SELENOK: variants seen among roughly 807,000 people sequenced by gnomAD.
SELENOK encodes selenoprotein K.
A neutral mutation model predicts 17.3 loss-of-function variants in SELENOK; 11 were observed. The ratio of observed to expected loss-of-function variants is 0.63; its 90% CI spans 0.40 to 1.05. SELENOK has a LOEUF of 1.05. Among genes scored for constraint, SELENOK ranks in the 50% least tolerant of loss-of-function variants. The pLI, the probability that SELENOK is intolerant of heterozygous loss-of-function variation, is 0.00. For synonymous variants in SELENOK, 45 were observed against 35.4 expected, an observed-to-expected ratio of 1.27 and a Z score of -0.97; for missense variants, 125 against 113.9, an observed-to-expected ratio of 1.10 and a Z score of -0.44.
chr3:53,885,460 A>G lies in SELENOK; in HGVS notation c.*98T>C. Reference sequence around the variant, plus strand: ...GAGCAGTCCTTGTTTAGACATACACATTCATCTACTGCTCATCATGGTCAG... The same window carrying G: ...GAGCAGTCCTTGTTTAGACATACACGTTCATCTACTGCTCATCATGGTCAG... On this transcript the variant is annotated 3_prime_UTR_variant, in exon 5 of 5. Coordinates refer to ENST00000495461, the MANE Select transcript of SELENOK (RefSeq NM_021237.5). 2 of 1,181,642 alleles carry G rather than the reference A, an allele frequency of 1.7e-6. No individual in the cohort carries two copies. The highest frequency in any genetic ancestry group is 2.5e-6 in the Non-Finnish European group (2 of 811,224). The allele number at this position is 1,181,642 out of a possible 1,614,324, so 73.2% of individuals were successfully genotyped here.
chr3:53,890,296 A>G (rs1361144625), intron 1 of SELENOK, among the ~76,000 whole-genome samples: 6 of 152,204 alleles, frequency 3.9e-5, no homozygotes, highest in Non-Finnish European at 5.9e-5. Context: ...GAAAAAAAAA[A>G]GTCATCTGAC....
Position 53,885,574 on chromosome 3 carries a change from G to C in SELENOK, c.282-13C>G. 1.2e-6 allele frequency: 2 copies of C among 1,609,224 alleles called. No individual in the cohort carries two copies. The highest frequency in any genetic ancestry group is 1.7e-6 in the Non-Finnish European group (2 of 1,176,790). The stretch of plus-strand genomic sequence containing the variant: ...AGCAGACATTTACCTGAAAGAAAAT[G>C]TTACAATAATTAGTTACTGGTTATT... On this transcript the variant is annotated splice_polypyrimidine_tract_variant and intron_variant, in intron 4 of 4. Coordinates refer to ENST00000495461, the MANE Select transcript of SELENOK (RefSeq NM_021237.5).
rs143652575 is a variant in SELENOK, at chr3:53,890,447, T to A, written c.19+1323A>T. Among the ~76,000 whole-genome samples, 65 of 152,328 alleles carry A rather than the reference T, an allele frequency of 4.3e-4. No homozygotes were observed. The South Asian group carries it at 0.013, about 31-fold the overall frequency. On this transcript the variant is annotated intron_variant, in intron 1 of 4. Coordinates refer to ENST00000495461, the MANE Select transcript of SELENOK (RefSeq NM_021237.5). ...TAAGGCAGAATGTCCCTTCCACCAATATCCCCAGAGAGAAGTAAGGTGTTT... is the reference window on the plus strand; with the variant it reads ...TAAGGCAGAATGTCCCTTCCACCAAAATCCCCAGAGAGAAGTAAGGTGTTT...
chr3:53,888,851 T>C (rs1700145254), intron 1 of SELENOK, among the ~76,000 whole-genome samples: 1 of 152,086 alleles, frequency 6.6e-6, no homozygotes, highest in African/African-American at 2.4e-5. Flanking sequence ...GGTCAGGAGA[T>C]TGAGACCATC....
chr3:53,889,084 AT>A (rs372037637), intron 1 of SELENOK, among the ~76,000 whole-genome samples: 2 of 152,166 alleles, frequency 1.3e-5, no homozygotes, highest in African/African-American at 4.8e-5. Context: ...ACACATATAT[AT>A]AAAACAAAAA....
intron 2 of SELENOK, among the ~76,000 whole-genome samples, chr3:53,887,275 T>A (rs1314806583): frequency 6.6e-6 from 1 of 152,214 alleles, no homozygotes; most frequent in Non-Finnish European, 1.5e-5. Flanking sequence ...AAAGTCTACC[T>A]AACATCTTAG....
intron 1 of SELENOK, 85 bp from the exon 2 acceptor site, chr3:53,888,568 T>A (rs535217934): frequency 7.6e-6 from 7 of 920,070 alleles, no homozygotes; most frequent in Non-Finnish European, 8.7e-6. Flanking sequence ...GAGGTAACAA[T>A]GATTGGGGTT....
In SELENOK at chr3:53,884,790, T is replaced by C. The variant is rs1444795777; in HGVS notation, c.*768A>G. ...TGAGTAGCAGGGATTACAGGTGCACTCTACCACGCCTGGCTAATTTTTGTT... is the reference window on the plus strand; with the variant it reads ...TGAGTAGCAGGGATTACAGGTGCACCCTACCACGCCTGGCTAATTTTTGTT... On this transcript the variant is annotated 3_prime_UTR_variant, in exon 5 of 5. Coordinates refer to ENST00000495461, the MANE Select transcript of SELENOK (RefSeq NM_021237.5). 2 of 152,232 alleles carry C rather than the reference T, an allele frequency of 1.3e-5. No individual in the cohort carries two copies. Among genetic ancestry groups the C allele is most frequent in the Non-Finnish European group, 2.9e-5 (2 of 68,054 alleles). 9.4% of individuals were successfully genotyped at this position (152,232 alleles called of 1,614,324 possible). A position where few individuals can be genotyped will look rare whatever the true frequency, so the allele number is the denominator to read the frequency against.
chr3:53,888,367 G>A lies in SELENOK; in HGVS notation c.110+26C>T, dbSNP rs780352601. On this transcript the variant is annotated intron_variant, in intron 2 of 4. Transcript: ENST00000495461. ...TATACCTGTCAACTTAAATATCAGG[G>A]CAATTAAGAGCTCTTCTATACTTAC... 10 of 1,421,460 alleles carry A rather than the reference G, an allele frequency of 7.0e-6. No homozygotes were observed. In the Admixed American group the frequency reaches 1.5e-4, roughly 22 times the overall value. The allele number at this position is 1,421,460 out of a possible 1,614,324, so 88.1% of individuals were successfully genotyped here.
rs995143946 is a variant in SELENOK at position 53,891,824 on chromosome 3, C to A, written c.-36G>T. On this transcript the variant is annotated 5_prime_UTR_variant, in exon 1 of 5. Coordinates refer to ENST00000495461, the MANE Select transcript of SELENOK (RefSeq NM_021237.5). The stretch of plus-strand genomic sequence containing the variant: ...TTCCCCGCTTCGGAGCCACCGGGCG[C>A]CTGGCCCCTGTCGGTTTCTGTATCT... The A allele has an allele frequency of 9.9e-6, 16 of 1,613,410 alleles. No individual in the cohort carries two copies. Among genetic ancestry groups the A allele is most frequent in the Non-Finnish European group, 1.3e-5 (15 of 1,179,486 alleles).
Position 53,884,602 on chromosome 3 carries a change from G to A in SELENOK, c.*956C>T, listed in dbSNP as rs1336706713. 1 of 152,186 alleles carries A rather than the reference G, an allele frequency of 6.6e-6. No homozygotes were observed. Among genetic ancestry groups the A allele is most frequent in the Non-Finnish European group, 1.5e-5 (1 of 68,040 alleles). The allele number at this position is 152,186 out of a possible 1,614,324, so 9.4% of individuals were successfully genotyped here. On this transcript the variant is annotated 3_prime_UTR_variant, in exon 5 of 5. Transcript: ENST00000495461. The stretch of plus-strand genomic sequence containing the variant: ...TTAAAGCCAATAGGCAGTATTTTGA[G>A]TGATGCTATAGAGTGCAAATTTGTC...
chr3:53,890,851 G>GA (rs1559799975), intron 1 of SELENOK: 1 of 152,200 alleles, frequency 6.6e-6, no homozygotes, highest in Non-Finnish European at 1.5e-5. Context: ...GAGAAAAACA[G>GA]ATGACTCAAA....
chr3:53,891,839 T>A lies in SELENOK; in HGVS notation c.-51A>T, dbSNP rs1700173737. ...CCACCGGGCGCCTGGCCCCTGTCGG[T>A]TTCTGTATCTCCCTCTGCTCCCCGC... On this transcript the variant is annotated 5_prime_UTR_variant, in exon 1 of 5. Coordinates refer to ENST00000495461, the MANE Select transcript of SELENOK (RefSeq NM_021237.5). 2.5e-6 allele frequency: 4 copies of A among 1,601,650 alleles called. No individual in the cohort carries two copies. The South Asian group carries it at 4.4e-5, about 18-fold the overall frequency.
intron 1 of SELENOK, among the ~76,000 whole-genome samples, chr3:53,888,716 T>C (rs1339708782): frequency 6.6e-6 from 1 of 152,182 alleles, no homozygotes; most frequent in East Asian, 1.9e-4. Context: ...GTTTATAAAC[T>C]TGGTGGGTGA....
chr3:53,885,647 T>C lies in SELENOK; in HGVS notation c.282-86A>G, dbSNP rs1047789350. 3 of 1,408,978 alleles carry C rather than the reference T, an allele frequency of 2.1e-6. No individual in the cohort carries two copies. In the African/African-American group the frequency reaches 4.3e-5, roughly 20 times the overall value. 87.3% of individuals were successfully genotyped at this position (1,408,978 alleles called of 1,614,324 possible). A position where few individuals can be genotyped will look rare whatever the true frequency, so the allele number is the denominator to read the frequency against. The stretch of plus-strand genomic sequence containing the variant: ...TCAACATATTACATGTTATAAAATC[T>C]TTCTCAAAAGACATTTTGATAACAA... On this transcript the variant is annotated intron_variant, in intron 4 of 4. Transcript: ENST00000495461.
Position 53,885,893 on chromosome 3 carries a change from G to A in SELENOK, c.214C>T (p.Arg72Ter), listed in dbSNP as rs371070098. 1.4e-5 allele frequency: 21 copies of A among 1,546,192 alleles called. No homozygotes were observed. The highest frequency in any genetic ancestry group is 1.8e-5 in the Non-Finnish European group (21 of 1,152,228). The change falls in exon 4 of 5, where the codon CGA becomes TGA. Residue 72 changes from arginine to a stop codon, truncating the protein, a stop_gained. Transcript: ENST00000495461. LOFTEE classifies it high-confidence loss of function. ...DGRGPPGNPP[R>*]RMGRINHLRG... ...AGATGATTGATTCTACCCATTCTTC[G>A]GGGAGGGTTTCCTGGTGGCCTAATA...
intron 1 of SELENOK, 122 bp downstream of exon 1, chr3:53,891,648 C>G: frequency 2.2e-6 from 3 of 1,336,576 alleles, no homozygotes; most frequent in Non-Finnish European, 3.2e-6. Context: ...CTCCGCCCGG[C>G]CGCGGGGCGC....
At chr3:53,889,077 C>T (rs1239902052) in intron 1 of SELENOK, among the ~76,000 whole-genome samples, 2 of 151,916 alleles carry the variant, frequency 1.3e-5, no homozygotes, top group Non-Finnish European at 2.9e-5. Flanking sequence ...CAAAAAAACA[C>T]ATATATATAA....
chr3:53,886,194 C>T (rs1281130343), intron 3 of SELENOK, among the ~76,000 whole-genome samples: 2 of 152,140 alleles, frequency 1.3e-5, no homozygotes. Context: ...CTGATTTTTG[C>T]CAGGTAGAAA....
Sources: gnomAD v4.1 joint callset for allele counts (sites outside exome capture counted in the v4.1 genomes callset) on GRCh38, gnomAD v4.1.1 for gene constraint, MANE v1.5 for transcripts, NCBI Gene and HGNC (gene_info 2026-07-23, HGNC 2026-07-21) for gene names.